Variants in TMEM131 observed in about 807,000 individuals in gnomAD.
TMEM131 encodes the protein transmembrane protein 131.
TMEM131 carries 66 observed loss-of-function variants against 211.6 expected under a neutral mutation model. The ratio of observed to expected loss-of-function variants is 0.31; its 90% CI spans 0.26 to 0.38. The LOEUF (loss-of-function observed/expected upper bound fraction) is 0.38. TMEM131 is among the 10% of genes least tolerant of loss of function. The pLI is 1.00. For synonymous variants in TMEM131, 844 were observed against 841.3 expected, an observed-to-expected ratio of 1.00 and a Z score of -0.06; for missense variants, 2,036 against 2,299.3, an observed-to-expected ratio of 0.89 and a Z score of 2.34.
chr2:97,872,120 A>G (rs887659491), intron 4 of TMEM131, among the ~76,000 whole-genome samples: 1 of 152,184 alleles, frequency 6.6e-6, no homozygotes, highest in African/African-American at 2.4e-5. Context: ...CTGAAAACAA[A>G]GAAAGCTAAT....
intron 11 of TMEM131, chr2:97,827,637 C>A: frequency 2.1e-6 from 2 of 949,390 alleles, no homozygotes; most frequent in African/African-American, 1.6e-5. Context: ...TTTGTAAATG[C>A]AAGTTTTTTA....
intron 4 of TMEM131, among the ~76,000 whole-genome samples, chr2:97,872,563 A>C (rs1438831782): frequency 6.6e-6 from 1 of 151,734 alleles, no homozygotes; most frequent in Non-Finnish European, 1.5e-5. Flanking sequence ...TCCAACTGGG[A>C]CTGGTTAGAC....
chr2:97,762,282 C>T, intron 35 of TMEM131, 82 bp from the exon 36 acceptor site: 2 of 1,359,896 alleles, frequency 1.5e-6, no homozygotes, highest in Non-Finnish European at 2.1e-6. Flanking sequence ...TTCTCTAAGA[C>T]TATGCATAAC....
chr2:97,853,117 T>C (rs1043065593), intron 5 of TMEM131, among the ~76,000 whole-genome samples: 4 of 152,252 alleles, frequency 2.6e-5, no homozygotes, highest in Non-Finnish European at 5.9e-5. Flanking sequence ...GTTGTTTTCA[T>C]GACTGCTAAC....
intron 33 of TMEM131, 145 bp downstream of exon 33, chr2:97,772,152 G>A (rs1679496332): frequency 4.4e-6 from 4 of 899,770 alleles, no homozygotes; most frequent in Non-Finnish European, 6.9e-6. Context: ...AAAATCCCAA[G>A]AGGAATGTGA....
chr2:97,796,438 C>A, intron 27 of TMEM131, 34 bp from the exon 28 acceptor site: 1 of 1,358,142 alleles, frequency 7.4e-7, no homozygotes, highest in Non-Finnish European at 1.0e-6. Flanking sequence ...AAGACTAAAT[C>A]TTGCCATCAT....
At chr2:97,839,422 TAG>T (rs1683092493) in intron 7 of TMEM131, among the ~76,000 whole-genome samples, 1 of 151,736 alleles carries the variant, frequency 6.6e-6, no homozygotes, top group African/African-American at 2.4e-5. Context: ...AATAAAGAAA[TAG>T]AGACAGAAAA....
At position 97,837,040 on chromosome 2, in the gene TMEM131, G is replaced by C. The variant is rs777496573; in HGVS notation, c.804+37C>G. On this transcript the variant is annotated intron_variant, in intron 8 of 40. Coordinates refer to ENST00000186436, the MANE Select transcript of TMEM131 (RefSeq NM_015348.2). ...CTAATTTAAGAATAATCGGTTTCAT[G>C]GGAGCACACACAAGAGAAAACTAGG... 3.2e-5 allele frequency: 49 copies of C among 1,531,804 alleles called. No homozygotes were observed. In the Admixed American group the frequency reaches 8.2e-4, roughly 26 times the overall value. The allele number at this position is 1,531,804 out of a possible 1,614,324, so 94.9% of individuals were successfully genotyped here.
chr2:97,794,820 T>A, intron 29 of TMEM131, 110 bp downstream of exon 29: 1 of 872,724 alleles, frequency 1.1e-6, no homozygotes, highest in South Asian at 2.0e-5. Context: ...GAGTTCTGTC[T>A]TGTTTGCTGG....
chr2:97,895,368 C>T (rs111725420), intron 3 of TMEM131, among the ~76,000 whole-genome samples: 12 of 151,612 alleles, frequency 7.9e-5, no homozygotes, highest in African/African-American at 1.9e-4. Flanking sequence ...TTGGATCAGA[C>T]GATGTTGGCC....
At chr2:97,774,287 C>T (rs1171992690) in intron 32 of TMEM131, among the ~76,000 whole-genome samples, 1 of 152,230 alleles carries the variant, frequency 6.6e-6, no homozygotes, top group Non-Finnish European at 1.5e-5. Flanking sequence ...GCACCTAGCA[C>T]GTGGCCTGGC....
intron 4 of TMEM131, among the ~76,000 whole-genome samples, chr2:97,860,787 C>A (rs1053609352): frequency 6.6e-6 from 1 of 152,172 alleles, no homozygotes; most frequent in Non-Finnish European, 1.5e-5. Flanking sequence ...ACTCTCTATG[C>A]CAAAAAAATC....
intron 27 of TMEM131, 135 bp downstream of exon 27, chr2:97,796,709 A>C: frequency 1.1e-6 from 1 of 921,614 alleles, no homozygotes. Context: ...CACAACATGG[A>C]ATTTCCTTAA....
rs1268061797 is a variant in TMEM131 at position 97,802,759 on chromosome 2, G to C, written c.2434C>G (p.Leu812Val). ...ATTTTTGATATTATATTTTTTTGAAGGTCTGTATTTACTTCAAATATAGCA... is the reference window on the plus strand; with the variant it reads ...ATTTTTGATATTATATTTTTTTGAACGTCTGTATTTACTTCAAATATAGCA... ...LSAIFEVNTD[L>V]QKNIISKITA... Residue 812 changes from leucine (L) to valine (V), a missense_variant, in exon 23 of 41, where the codon CTT becomes GTT. Transcript: ENST00000186436. The C allele has an allele frequency of 6.4e-7, 1 of 1,569,506 alleles. No individual in the cohort carries two copies. The highest frequency in any genetic ancestry group is 8.6e-7 in the Non-Finnish European group (1 of 1,163,252).
chr2:97,892,191 T>A (rs182353652), intron 3 of TMEM131, among the ~76,000 whole-genome samples: 9 of 152,336 alleles, frequency 5.9e-5, no homozygotes, highest in African/African-American at 1.9e-4. Context: ...TTTGTAAACG[T>A]CTGTGGAAAG....
At chr2:97,952,144 G>A (rs190925770) in intron 1 of TMEM131, among the ~76,000 whole-genome samples, 306 of 149,668 alleles carry the variant, frequency 2.0e-3, no homozygotes, top group Middle Eastern at 3.4e-3. Flanking sequence ...GTGACAGAGC[G>A]AGACTCCATC....
At chr2:97,851,439 T>C (rs1029107316) in intron 5 of TMEM131, among the ~76,000 whole-genome samples, 1 of 152,206 alleles carries the variant, frequency 6.6e-6, no homozygotes, top group African/African-American at 2.4e-5. Flanking sequence ...CTGTTGGGTG[T>C]ATCTTCAAAA....
At chr2:97,970,020 T>A (rs1573632071) in intron 1 of TMEM131, among the ~76,000 whole-genome samples, 1 of 152,208 alleles carries the variant, frequency 6.6e-6, no homozygotes, top group Non-Finnish European at 1.5e-5. Flanking sequence ...TGATGAAGAA[T>A]GACTGTTATA....
At chr2:97,914,731 G>A (rs965719979) in intron 2 of TMEM131, among the ~76,000 whole-genome samples, 1 of 152,176 alleles carries the variant, frequency 6.6e-6, no homozygotes, top group Non-Finnish European at 1.5e-5. Context: ...TTATTGCTGA[G>A]TTGTATTCCA....
Sources: allele counts gnomAD v4.1 joint callset (sites outside exome capture counted in the v4.1 genomes callset), GRCh38; gene constraint gnomAD v4.1.1; transcripts MANE v1.5; gene names NCBI Gene and HGNC (gene_info 2026-07-23, HGNC 2026-07-21).